Variants in SLC22A3 observed in about 807,000 individuals in gnomAD.
SLC22A3 encodes EMT organic cation transporter 3.
A neutral mutation model predicts 59.1 loss-of-function variants in SLC22A3; 51 were observed. That is an observed-to-expected ratio of 0.86 (90% CI 0.69 to 1.09). The LOEUF is 1.09. SLC22A3 is among the 50% of genes least tolerant of loss of function. The pLI is 0.00. For missense variants in SLC22A3, 711 were observed against 726.3 expected (o/e 0.98, Z 0.24); for synonymous variants, 325 against 292.0 (o/e 1.11, Z -1.15).
At chr6:160,399,733 G>C (rs1786682435) in intron 2 of SLC22A3, among the ~76,000 whole-genome samples, 1 of 152,136 alleles carries the variant, frequency 6.6e-6, no homozygotes, top group Non-Finnish European at 1.5e-5. Flanking sequence ...CTAGATTGGG[G>C]CTTCTGGTTT....
Position 160,404,693 on chromosome 6 carries a change from T to TA in SLC22A3, c.534-2347dup, listed in dbSNP as rs1440321013. Among the ~76,000 whole-genome samples, 3 of 152,076 alleles carry TA rather than the reference T, an allele frequency of 2.0e-5. No individual in the cohort carries two copies. In the East Asian group the frequency reaches 5.8e-4, roughly 29 times the overall value. On this transcript the variant is annotated intron_variant, in intron 2 of 10. Transcript: ENST00000275300. ...ACTGGCACTACTTAACGTCAAGACT[T>TA]ACCGTAAAGCGACAGTAATCACGAC...
chr6:160,371,963 G>T (rs953651140), intron 1 of SLC22A3, among the ~76,000 whole-genome samples: 7 of 151,956 alleles, frequency 4.6e-5, no homozygotes, highest in African/African-American at 1.5e-4. Flanking sequence ...TTTGTTGGCC[G>T]GATAAATGTC....
Position 160,398,723 on chromosome 6 carries a change from ACT to A in SLC22A3, c.533+644_533+645del, listed in dbSNP as rs1318767549. On this transcript the variant is annotated intron_variant, in intron 2 of 10. Coordinates refer to ENST00000275300, the MANE Select transcript of SLC22A3 (RefSeq NM_021977.4). ...ATGCTAGCTATTGTATTCATGTTTA[ACT>A]CTATTTTTAATTCCAATTCTAACTA... Among the ~76,000 whole-genome samples the A allele has an allele frequency of 3.3e-5, 5 of 152,126 alleles. 1 individual carries two copies. Among genetic ancestry groups the A allele is most frequent in the African/African-American group, 4.8e-5 (2 of 41,420 alleles).
chr6:160,444,145 G>A (rs986678425), intron 9 of SLC22A3, among the ~76,000 whole-genome samples: 5 of 152,088 alleles, frequency 3.3e-5, no homozygotes, highest in Admixed American at 1.3e-4. Context: ...CAAAATGGGA[G>A]GACTGCTTGG....
intron 1 of SLC22A3, among the ~76,000 whole-genome samples, chr6:160,375,270 C>A (rs1785548994): frequency 6.6e-6 from 1 of 152,204 alleles, no homozygotes; most frequent in South Asian, 2.1e-4. Flanking sequence ...AGAATAGATG[C>A]AGTCTTAGCA....
At chr6:160,425,073 T>C (rs1478508328) in intron 5 of SLC22A3, among the ~76,000 whole-genome samples, 1 of 152,158 alleles carries the variant, frequency 6.6e-6, no homozygotes, top group Non-Finnish European at 1.5e-5. Context: ...CTAAGTGAAA[T>C]ATAGTATCAA....
intron 2 of SLC22A3, among the ~76,000 whole-genome samples, chr6:160,403,389 A>C (rs1786870664): frequency 6.6e-6 from 1 of 151,878 alleles, no homozygotes. Flanking sequence ...CTATTAAATA[A>C]ATTGAATCAA....
At chr6:160,355,960 A>G (rs1431681502) in intron 1 of SLC22A3, among the ~76,000 whole-genome samples, 1 of 152,148 alleles carries the variant, frequency 6.6e-6, no homozygotes, top group Non-Finnish European at 1.5e-5. Flanking sequence ...CTGCCTCATC[A>G]GACTCTGAGG....
At chr6:160,354,859 G>A (rs1193963952) in intron 1 of SLC22A3, among the ~76,000 whole-genome samples, 1 of 152,158 alleles carries the variant, frequency 6.6e-6, no homozygotes, top group Non-Finnish European at 1.5e-5. Flanking sequence ...GACCCCACAG[G>A]TAGGTCATAT....
At chr6:160,405,236 G>T (rs1786963560) in intron 2 of SLC22A3, among the ~76,000 whole-genome samples, 1 of 151,996 alleles carries the variant, frequency 6.6e-6, no homozygotes, top group South Asian at 2.1e-4. Flanking sequence ...CAACTAAAAA[G>T]CGGGCCAAAG....
chr6:160,375,603 A>G (rs1235873492), intron 1 of SLC22A3, among the ~76,000 whole-genome samples: 1 of 152,206 alleles, frequency 6.6e-6, no homozygotes, highest in Non-Finnish European at 1.5e-5. Context: ...ACAATATTCA[A>G]TTGGCAAAAA....
At chr6:160,369,915 G>T (rs1217143994) in intron 1 of SLC22A3, among the ~76,000 whole-genome samples, 4 of 152,222 alleles carry the variant, frequency 2.6e-5, no homozygotes, top group Non-Finnish European at 5.9e-5. Context: ...AAGGCTTAGA[G>T]GTTGGGATGA....
chr6:160,375,650 T>C (rs1012365827), intron 1 of SLC22A3, among the ~76,000 whole-genome samples: 2 of 152,200 alleles, frequency 1.3e-5, no homozygotes, highest in Non-Finnish European at 2.9e-5. Context: ...AGGAATAAAG[T>C]CTTGTTTATT....
At chr6:160,401,067 C>A in intron 2 of SLC22A3, among the ~76,000 whole-genome samples, 1 of 142,990 alleles carries the variant, frequency 7.0e-6, no homozygotes, top group African/African-American at 2.6e-5. Flanking sequence ...AACTGTGGGA[C>A]AATTACAAAA....
rs6934406 is a variant in SLC22A3, at chr6:160,404,477, T to C, written c.534-2564T>C. ...TAAATGGAGAGATATTCAACATTCA[T>C]GGATAGGAAGACTCAATATTGTCAA... is the stretch of plus-strand genomic sequence containing the variant. On this transcript the variant is annotated intron_variant, in intron 2 of 10. Transcript: ENST00000275300. Among the ~76,000 whole-genome samples the C allele has an allele frequency of 6.3e-3, 956 of 152,238 alleles. 12 individuals are homozygous for C. Among genetic ancestry groups the C allele is most frequent in the Middle Eastern group, 0.037 (11 of 294 alleles).
intron 1 of SLC22A3, chr6:160,349,140 C>G (rs1035577191): frequency 1.1e-6 from 1 of 900,384 alleles, no homozygotes; most frequent in African/African-American, 1.8e-5. Flanking sequence ...CTGGCGCACG[C>G]CTGCTCAGGA....
At chr6:160,431,744 A>T (rs1255295084) in intron 5 of SLC22A3, among the ~76,000 whole-genome samples, 1 of 152,114 alleles carries the variant, frequency 6.6e-6, no homozygotes, top group Non-Finnish European at 1.5e-5. Context: ...CTAAAAAAAA[A>T]TTGCCTAAAA....
At chr6:160,447,923 A>C in intron 10 of SLC22A3, 105 bp downstream of exon 10, 2 of 900,610 alleles carry the variant, frequency 2.2e-6, no homozygotes, top group Non-Finnish European at 3.7e-6. Flanking sequence ...AAAAATAAGA[A>C]TAAATCCTCA....
chr6:160,382,687 G>T (rs887162061), intron 1 of SLC22A3, among the ~76,000 whole-genome samples: 10 of 152,170 alleles, frequency 6.6e-5, no homozygotes, highest in Non-Finnish European at 1.5e-4. Flanking sequence ...TATGGAAATT[G>T]TCAGTCACCC....
Sources: gnomAD v4.1 joint callset for allele counts (sites outside exome capture counted in the v4.1 genomes callset) on GRCh38, gnomAD v4.1.1 for gene constraint, MANE v1.5 for transcripts, NCBI Gene and HGNC (gene_info 2026-07-23, HGNC 2026-07-21) for gene names.